IL3RA: variants seen among roughly 807,000 people sequenced by gnomAD.
IL3RA encodes interleukin-3 receptor subunit alpha.
A neutral mutation model predicts 52.3 loss-of-function variants in IL3RA; 73 were observed. That is an observed-to-expected ratio of 1.40 (90% CI 1.16 to 1.70). The LOEUF is 1.70. IL3RA is among the 40% of genes most tolerant of loss of function. IL3RA has a pLI of 0.00. For synonymous variants in IL3RA, 260 were observed against 194.0 expected (o/e 1.34, Z -2.83); for missense variants, 664 against 504.4 (o/e 1.32, Z -3.03).
At chrX:1,363,141 T>A (rs1345022497) in intron 8 of IL3RA, among the ~76,000 whole-genome samples, 2 of 151,862 alleles carry the variant, frequency 1.3e-5, no homozygotes, top group Non-Finnish European at 1.5e-5. Context: ...CAAAATGACA[T>A]CATCTCAATC....
Position 1,381,087 on chromosome X carries a change from T to C in IL3RA, c.1045T>C (p.Phe349Leu). The C allele has an allele frequency of 6.2e-7, 1 of 1,613,824 alleles. No homozygotes were observed. ...PHMKDPIGDS[F>L]QNDKLVVWEA... ...CATGAAAGACCCCATCGGTGACAGC[T>C]TCCAAAACGACAAGCTGGTATGTTG... Residue 349 changes from phenylalanine to leucine, a missense_variant, in exon 11 of 12, where the codon TTC becomes CTC. Physicochemically the swap from Phe to Leu is conservative, Grantham distance 22. Transcript: ENST00000331035.
intron 3 of IL3RA, among the ~76,000 whole-genome samples, chrX:1,347,632 A>G (rs1390253502): frequency 4.0e-5 from 6 of 151,264 alleles, no homozygotes; most frequent in African/African-American, 7.4e-5. Flanking sequence ...CAAAAAAACA[A>G]AGAAACAAAA....
At chrX:1,359,905 C>G (rs1414578233) in intron 8 of IL3RA, among the ~76,000 whole-genome samples, 3 of 148,196 alleles carry the variant, frequency 2.0e-5, no homozygotes, top group East Asian at 2.1e-4. Context: ...CCCTCCATCT[C>G]TCTGTCTCTC....
At chrX:1,360,940 C>G (rs2087243245) in intron 8 of IL3RA, among the ~76,000 whole-genome samples, 1 of 88,188 alleles carries the variant, frequency 1.1e-5, no homozygotes, top group Non-Finnish European at 2.2e-5. Context: ...TCTCTCTCTC[C>G]CTTCCCCTCT....
At chrX:1,381,949 TTTG>T (rs2089197218) in intron 11 of IL3RA, among the ~76,000 whole-genome samples, 2 of 149,588 alleles carry the variant, frequency 1.3e-5, no homozygotes, top group Admixed American at 6.7e-5. Context: ...TTTTGTTTTG[TTTG>T]TTTTTGTTTT....
In IL3RA at chrX:1,381,140, G is replaced by A. The variant is rs377442150; in HGVS notation, c.1062+36G>A. 3.7e-6 allele frequency: 6 copies of A among 1,601,526 alleles called. No individual in the cohort carries two copies. In the African/African-American group the frequency reaches 8.0e-5, roughly 21 times the overall value. ...TTTTCTGCCTTGGGACGGGTCTGGA[G>A]GCGTGGTGGCCACTTTGGGAGGCCC... On this transcript the variant is annotated intron_variant, in intron 11 of 11. Transcript: ENST00000331035.
chrX:1,359,526 C>A (rs1474724696), intron 8 of IL3RA, among the ~76,000 whole-genome samples: 1 of 149,670 alleles, frequency 6.7e-6, no homozygotes, highest in African/African-American at 2.5e-5. Context: ...GTATCTCCCT[C>A]CCTTTTTCCC....
chrX:1,357,338 C>A lies in IL3RA; in HGVS notation c.732+1002C>A, dbSNP rs760366438. On this transcript the variant is annotated intron_variant, in intron 7 of 11. Transcript: ENST00000331035. Reference sequence around the variant, plus strand: ...TTTGAGACGGAGTCCTGCTCTGTCACCCAAGCTGTTTGTTTGTTTGTTTGT... The same window carrying A: ...TTTGAGACGGAGTCCTGCTCTGTCAACCAAGCTGTTTGTTTGTTTGTTTGT... Among the ~76,000 whole-genome samples the A allele has an allele frequency of 3.3e-5, 5 of 150,852 alleles. No homozygotes were observed. The South Asian group carries it at 1.1e-3, about 32-fold the overall frequency.
intron 4 of IL3RA, among the ~76,000 whole-genome samples, chrX:1,351,427 C>A (rs2086077988): frequency 6.6e-6 from 1 of 151,690 alleles, no homozygotes; most frequent in Non-Finnish European, 1.5e-5. Context: ...CTCCTGGGTT[C>A]AAGAAATTCT....
intron 11 of IL3RA, among the ~76,000 whole-genome samples, chrX:1,381,914 A>G (rs1479719384): frequency 1.3e-5 from 2 of 151,384 alleles, no homozygotes; most frequent in African/African-American, 4.8e-5. Context: ...GGAGGCAGAC[A>G]TCTCTGTCAG....
intron 2 of IL3RA, among the ~76,000 whole-genome samples, chrX:1,344,927 C>G (rs1166099421): frequency 6.6e-6 from 1 of 150,754 alleles, no homozygotes; most frequent in Non-Finnish European, 1.5e-5. Flanking sequence ...CTTTGGGAGG[C>G]TGAGGCGGAC....
chrX:1,350,983 GA>G (rs1569521084), intron 4 of IL3RA, among the ~76,000 whole-genome samples: 1 of 151,852 alleles, frequency 6.6e-6, no homozygotes, highest in Non-Finnish European at 1.5e-5. Flanking sequence ...GAGGCGGGTG[GA>G]TCACTTGAGG....
intron 9 of IL3RA, among the ~76,000 whole-genome samples, chrX:1,368,183 C>G (rs1469911249): frequency 2.0e-5 from 3 of 151,164 alleles, no homozygotes. Flanking sequence ...GGCGTGAACC[C>G]GGGAGGCGGA....
chrX:1,350,803 G>T (rs1172303047), intron 4 of IL3RA, among the ~76,000 whole-genome samples: 1 of 151,628 alleles, frequency 6.6e-6, no homozygotes, highest in African/African-American at 2.4e-5. Context: ...GGAGGCTGAG[G>T]CAGGAGAATC....
intron 2 of IL3RA, among the ~76,000 whole-genome samples, chrX:1,344,215 T>C (rs1390539125): frequency 1.7e-4 from 26 of 151,482 alleles, no homozygotes; most frequent in African/African-American, 6.1e-4. Context: ...AGGCAGATCA[T>C]GTGAGGTTGG....
chrX:1,340,089 A>G (rs1245012052), intron 1 of IL3RA, among the ~76,000 whole-genome samples: 1 of 149,210 alleles, frequency 6.7e-6, no homozygotes, highest in African/African-American at 2.5e-5. Context: ...CTAAACCCCC[A>G]GGGCAGCAAC....
chrX:1,362,408 T>G lies in IL3RA; in HGVS notation c.760-2730T>G, dbSNP rs748296759. 1.1e-4 allele frequency among the ~76,000 whole-genome samples: 17 copies of G among 151,844 alleles called. No homozygotes were observed. In the East Asian group the frequency reaches 3.1e-3, roughly 28 times the overall value. ...CTCTGTCTGTTTCTGTTTTTCTTTC[T>G]TTTTCCCTCTGTCTCCCTTCTCTGT... On this transcript the variant is annotated intron_variant, in intron 8 of 11. Coordinates refer to ENST00000331035, the MANE Select transcript of IL3RA (RefSeq NM_002183.4).
intron 9 of IL3RA, among the ~76,000 whole-genome samples, chrX:1,377,956 C>A (rs1308789332): frequency 6.6e-6 from 1 of 150,572 alleles, no homozygotes; most frequent in South Asian, 2.1e-4. Context: ...GAGGCCGAGG[C>A]GGGTGGATCA....
rs754743711 is a variant in IL3RA, at chrX:1,345,324, C to A, written c.73C>A (p.Pro25Thr). ...CLLQTKEDPN[P>T]PITNLRMKAK... ...ACCTGTCACCGTTTTAGATCCAAACCCACCAATCACGAACCTAAGGATGAA... is the reference window on the plus strand; with the variant it reads ...ACCTGTCACCGTTTTAGATCCAAACACACCAATCACGAACCTAAGGATGAA... The change falls in exon 3 of 12, where the codon CCA (proline) becomes ACA (threonine). Residue 25 changes from proline (P) to threonine (T), a missense_variant. Physicochemically the swap from Pro to Thr is conservative, Grantham distance 38. Coordinates refer to ENST00000331035, the MANE Select transcript of IL3RA (RefSeq NM_002183.4). 2.3e-5 allele frequency: 37 copies of A among 1,608,762 alleles called. No individual in the cohort carries two copies. The East Asian group carries it at 6.7e-4, about 29-fold the overall frequency.
Sources: allele counts gnomAD v4.1 joint callset (sites outside exome capture counted in the v4.1 genomes callset), GRCh38; gene constraint gnomAD v4.1.1; transcripts MANE v1.5; gene names NCBI Gene and HGNC (gene_info 2026-07-23, HGNC 2026-07-21).